DEFB123: variants seen among roughly 807,000 people sequenced by gnomAD.
DEFB123 encodes the protein defensin beta 123.
For synonymous variants in DEFB123, 22 were observed against 28.3 expected (o/e 0.78, Z 0.71); for missense variants, 71 against 75.0 (o/e 0.95, Z 0.20).
At chr20:31,445,578 C>T (rs760671358) in intron 1 of DEFB123, among the ~76,000 whole-genome samples, 4 of 152,058 alleles carry the variant, frequency 2.6e-5, no homozygotes, top group Non-Finnish European at 4.4e-5. Flanking sequence ...CTAACTCTGT[C>T]GCCCAGTCTG....
intron 1 of DEFB123, among the ~76,000 whole-genome samples, chr20:31,444,416 GT>G (rs1232767832): frequency 1.3e-5 from 2 of 152,070 alleles, no homozygotes; most frequent in Non-Finnish European, 2.9e-5. Flanking sequence ...TTCTCTGAGG[GT>G]AGGTGTCTCA....
chr20:31,440,859 C>A, intron 1 of DEFB123, 103 bp downstream of exon 1: 2 of 1,412,924 alleles, frequency 1.4e-6, no homozygotes, highest in South Asian at 1.2e-5. Context: ...CATCTAGCAC[C>A]ACGTATAGGA....
chr20:31,448,128 T>C (rs1979638828), intron 1 of DEFB123, among the ~76,000 whole-genome samples: 1 of 151,818 alleles, frequency 6.6e-6, no homozygotes, highest in African/African-American at 2.4e-5. Context: ...TCACCTAGGC[T>C]GGTCTCAAAC....
intron 1 of DEFB123, among the ~76,000 whole-genome samples, chr20:31,448,951 C>T (rs892830995): frequency 6.7e-6 from 1 of 148,592 alleles, no homozygotes; most frequent in African/African-American, 2.5e-5. Context: ...TGGTCTCGAA[C>T]TCCTGACCTC....
chr20:31,441,419 G>A (rs1244939250), intron 1 of DEFB123, among the ~76,000 whole-genome samples: 2 of 152,162 alleles, frequency 1.3e-5, no homozygotes, highest in Non-Finnish European at 2.9e-5. Context: ...CCCAGGCAGA[G>A]AGGTCAGCCT....
At chr20:31,444,057 G>A (rs1235669898) in intron 1 of DEFB123, among the ~76,000 whole-genome samples, 1 of 152,156 alleles carries the variant, frequency 6.6e-6, no homozygotes, top group African/African-American at 2.4e-5. Flanking sequence ...GCTGAGCAAT[G>A]AGTTTGCTGT....
chr20:31,441,390 G>A (rs776593397), intron 1 of DEFB123, among the ~76,000 whole-genome samples: 5 of 152,180 alleles, frequency 3.3e-5, no homozygotes, highest in South Asian at 2.1e-4. Context: ...AGGAAGGAGA[G>A]GGGAAAGCAG....
At chr20:31,441,336 T>C (rs1203196625) in intron 1 of DEFB123, among the ~76,000 whole-genome samples, 1 of 152,112 alleles carries the variant, frequency 6.6e-6, no homozygotes, top group Non-Finnish European at 1.5e-5. Context: ...AGAGTCCTCC[T>C]GGAGGGATAT....
Position 31,450,231 on chromosome 20 carries a change from A to T in DEFB123, c.*57A>T. ...GATGAAGCTCCCAGTGGATTCCCAC[A>T]CTCTATCAATAAACACCTCTGGCTG... On this transcript the variant is annotated 3_prime_UTR_variant, in exon 2 of 2. Coordinates refer to ENST00000376309, the MANE Select transcript of DEFB123 (RefSeq NM_153324.4). The T allele has an allele frequency of 1.3e-6, 2 of 1,546,694 alleles. No homozygotes were observed. Among genetic ancestry groups the T allele is most frequent in the Non-Finnish European group, 1.7e-6 (2 of 1,152,236 alleles).
chr20:31,441,397 GC>G (rs1377370384), intron 1 of DEFB123, among the ~76,000 whole-genome samples: 1 of 152,114 alleles, frequency 6.6e-6, no homozygotes, highest in Admixed American at 6.5e-5. Context: ...AGAGGGGAAA[GC>G]AGAAGGGTGT....
At chr20:31,449,409 C>T (rs914835964) in intron 1 of DEFB123, among the ~76,000 whole-genome samples, 2 of 152,116 alleles carry the variant, frequency 1.3e-5, no homozygotes, top group Non-Finnish European at 2.9e-5. Context: ...GCCCCCACTA[C>T]TAAGGCAATA....
chr20:31,449,401 C>A (rs1979678955), intron 1 of DEFB123, among the ~76,000 whole-genome samples: 1 of 151,926 alleles, frequency 6.6e-6, no homozygotes, highest in African/African-American at 2.4e-5. Context: ...TTAATTTAGC[C>A]CCCACTACTA....
At chr20:31,443,215 G>A (rs1395879916) in intron 1 of DEFB123, among the ~76,000 whole-genome samples, 1 of 152,128 alleles carries the variant, frequency 6.6e-6, no homozygotes, top group Non-Finnish European at 1.5e-5. Context: ...ATCTCAGCCA[G>A]ATCTTCCATC....
chr20:31,449,660 C>T (rs573954794), intron 1 of DEFB123, among the ~76,000 whole-genome samples: 37 of 148,838 alleles, frequency 2.5e-4, no homozygotes, highest in South Asian at 8.5e-4. Flanking sequence ...CCTAGCTCCT[C>T]GGGGAAACTC....
chr20:31,447,147 A>G (rs1417181003), intron 1 of DEFB123, among the ~76,000 whole-genome samples: 1 of 151,974 alleles, frequency 6.6e-6, no homozygotes, highest in Non-Finnish European at 1.5e-5. Context: ...CTGTAATTCC[A>G]GCTACTCGGG....
At chr20:31,449,949 C>T in intron 1 of DEFB123, 80 bp from the exon 2 acceptor site, 1 of 1,467,002 alleles carries the variant, frequency 6.8e-7, no homozygotes, top group Non-Finnish European at 9.1e-7. Context: ...TCATCTGTTT[C>T]CATTCTTTTA....
intron 1 of DEFB123, among the ~76,000 whole-genome samples, chr20:31,442,199 T>G (rs1007885817): frequency 6.6e-6 from 1 of 152,218 alleles, no homozygotes; most frequent in Non-Finnish European, 1.5e-5. Context: ...ATTTGTCTTT[T>G]CTGTTTTAAA....
chr20:31,440,944 C>A (rs746053), intron 1 of DEFB123, among the ~76,000 whole-genome samples, 188 bp downstream of exon 1: 1 of 152,162 alleles, frequency 6.6e-6, no homozygotes, highest in East Asian at 1.9e-4. Context: ...GCTCTCTCAG[C>A]GGCTCCATCC....
At chr20:31,443,459 T>A (rs1350354757) in intron 1 of DEFB123, among the ~76,000 whole-genome samples, 3 of 152,216 alleles carry the variant, frequency 2.0e-5, no homozygotes, top group Non-Finnish European at 4.4e-5. Context: ...ATGCTAAAGA[T>A]AAGAATTTCT....
Sources: gnomAD v4.1 joint callset for allele counts (sites outside exome capture counted in the v4.1 genomes callset) on GRCh38, gnomAD v4.1.1 for gene constraint, MANE v1.5 for transcripts, NCBI Gene and HGNC (gene_info 2026-07-23, HGNC 2026-07-21) for gene names.